UBTD1: variants seen among roughly 807,000 people sequenced by gnomAD.
The protein encoded by UBTD1 is ubiquitin domain containing 1.
UBTD1 carries 19 observed loss-of-function variants against 21.7 expected under a neutral mutation model. The observed-to-expected ratio is 0.87, with a 90% CI of 0.61 to 1.28. The LOEUF (loss-of-function observed/expected upper bound fraction) is 1.28. UBTD1 is among the 50% of genes most tolerant of loss of function. The probability of loss-of-function intolerance (pLI) is 0.00; values close to 1 mark genes in which losing one functional copy is unlikely to be tolerated. For synonymous variants in UBTD1, 116 were observed against 135.1 expected (o/e 0.86, Z 0.98); for missense variants, 282 against 315.1 (o/e 0.89, Z 0.80).
At chr10:97,538,997 A>G (rs191492598) in intron 1 of UBTD1, among the ~76,000 whole-genome samples, 1 of 152,314 alleles carries the variant, frequency 6.6e-6, no homozygotes, top group East Asian at 1.9e-4. Flanking sequence ...CGCAGATCAC[A>G]TGGTGCATTA....
At chr10:97,531,355 C>T (rs894606684) in intron 1 of UBTD1, among the ~76,000 whole-genome samples, 3 of 151,848 alleles carry the variant, frequency 2.0e-5, no homozygotes, top group Non-Finnish European at 2.9e-5. Context: ...GGATTACAGG[C>T]GTGCACCACC....
intron 2 of UBTD1, among the ~76,000 whole-genome samples, chr10:97,569,701 CTG>C (rs2040735658): frequency 2.0e-5 from 3 of 152,160 alleles, no homozygotes; most frequent in South Asian, 4.1e-4. Context: ...GGTGAGGACT[CTG>C]TTGCTGGCTT....
intron 1 of UBTD1, among the ~76,000 whole-genome samples, chr10:97,519,475 A>G (rs2040458023): frequency 6.6e-6 from 1 of 152,202 alleles, no homozygotes; most frequent in African/African-American, 2.4e-5. Flanking sequence ...CCTGTTCTAC[A>G]CATTCTGTAT....
rs184006201 is a variant in UBTD1, at chr10:97,558,289, A to T, written c.71-9625A>T. The stretch of plus-strand genomic sequence containing the variant: ...TAGGGTGTTGCAAACTTCAATGGTT[A>T]TGCGGGGATCTTCACAGAGCAAGCT... On this transcript the variant is annotated intron_variant, in intron 1 of 2. Transcript: ENST00000370664. Among the ~76,000 whole-genome samples the T allele has an allele frequency of 3.9e-5, 6 of 152,326 alleles. No individual in the cohort carries two copies. The East Asian group carries it at 1.2e-3, about 29-fold the overall frequency.
Position 97,571,152 on chromosome 10 carries a change from T to C in UBTD1, c.*629T>C, listed in dbSNP as rs776427124. ...GCCTGGTCATGGCCTCCACAGCAGG[T>C]CCCTGTGGACAGACATATCTGCATA... On this transcript the variant is annotated 3_prime_UTR_variant, in exon 3 of 3. Transcript: ENST00000370664. The C allele has an allele frequency of 6.5e-6, 1 of 153,156 alleles. No individual in the cohort carries two copies. The highest frequency in any genetic ancestry group is 1.5e-5 in the Non-Finnish European group (1 of 68,470). The allele number at this position is 153,156 out of a possible 1,614,324, so 9.5% of individuals were successfully genotyped here.
intron 1 of UBTD1, among the ~76,000 whole-genome samples, chr10:97,546,794 T>C (rs1002126577): frequency 6.6e-6 from 1 of 152,124 alleles, no homozygotes; most frequent in Non-Finnish European, 1.5e-5. Flanking sequence ...GAGCTGTGCA[T>C]TCAGCTCCTG....
At chr10:97,549,166 G>A (rs10882962) in intron 1 of UBTD1, among the ~76,000 whole-genome samples, 41,220 of 152,162 alleles carry the variant, frequency 0.27, 5,858 homozygotes, top group East Asian at 0.49. Flanking sequence ...CTCTCTCATG[G>A]CCACAGAGGA....
In UBTD1 at chr10:97,561,308, G is replaced by A. The variant is rs193021689; in HGVS notation, c.71-6606G>A. Among the ~76,000 whole-genome samples, 358 of 152,192 alleles carry A rather than the reference G, an allele frequency of 2.4e-3. 8 individuals carry two copies. Among genetic ancestry groups the A allele is most frequent in the Admixed American group, 0.022 (331 of 15,290 alleles). ...CCGTCCGTGAGTTACCTCGTTTCCT[G>A]GTCAGGGAACCAAGAAATGTAGCAG... On this transcript the variant is annotated intron_variant, in intron 1 of 2. Coordinates refer to ENST00000370664, the MANE Select transcript of UBTD1 (RefSeq NM_024954.5).
chr10:97,568,252 C>A, intron 2 of UBTD1, 111 bp downstream of exon 2: 1 of 1,124,018 alleles, frequency 8.9e-7, no homozygotes, highest in Non-Finnish European at 1.3e-6. Flanking sequence ...CTCACGTATT[C>A]ATTCATTCAA....
At position 97,513,342 on chromosome 10, in the gene UBTD1, G is replaced by A. The variant is rs936309955; in HGVS notation, c.70+14069G>A. On this transcript the variant is annotated intron_variant, in intron 1 of 2. Transcript: ENST00000370664. ...TTCAAACAAGACAGCATGTAGACAA[G>A]TGCTAAGTCATACAGTGTAGACAAG... Among the ~76,000 whole-genome samples the A allele has an allele frequency of 5.3e-5, 8 of 152,338 alleles. No homozygotes were observed. In the South Asian group the frequency reaches 1.4e-3, roughly 28 times the overall value.
chr10:97,529,609 A>C (rs1416008138), intron 1 of UBTD1, among the ~76,000 whole-genome samples: 6 of 147,192 alleles, frequency 4.1e-5, no homozygotes, highest in Admixed American at 1.4e-4. Context: ...CAAAAAAAAA[A>C]CGAAAACCAG....
intron 1 of UBTD1, among the ~76,000 whole-genome samples, chr10:97,567,706 T>C (rs561540600): frequency 6.6e-6 from 1 of 152,228 alleles, no homozygotes; most frequent in African/African-American, 2.4e-5. Context: ...TATGCTTTGC[T>C]GACACAATTA....
Position 97,570,448 on chromosome 10 carries a change from G to C in UBTD1, c.609G>C (p.Arg203=). Reference sequence around the variant, plus strand: ...GGAAGCTGCTCACAGACCGCACACGGCTCCAGGAGACCAAGATCCAGAAAG... The same window carrying C: ...GGAAGCTGCTCACAGACCGCACACGCCTCCAGGAGACCAAGATCCAGAAAG... ...FSGKLLTDRT[R]LQETKIQKDF... Residue 203 remains arginine (R), a synonymous_variant, in exon 3 of 3, where the codon CGG becomes CGC. Coordinates refer to ENST00000370664, the MANE Select transcript of UBTD1 (RefSeq NM_024954.5). The surrounding 1 kb of genome is among the most constrained non-coding windows in gnomAD (Gnocchi z 6.6). 1 of 1,613,058 alleles carries C rather than the reference G, an allele frequency of 6.2e-7. No homozygotes were observed.
intron 1 of UBTD1, among the ~76,000 whole-genome samples, chr10:97,557,375 T>C (rs1380818469): frequency 1.3e-5 from 2 of 152,084 alleles, no homozygotes; most frequent in Non-Finnish European, 2.9e-5. Flanking sequence ...ACTTTGGGTC[T>C]GAGGGGTTTG....
At position 97,548,487 on chromosome 10, in the gene UBTD1, G is replaced by A. The variant is rs148105997; in HGVS notation, c.71-19427G>A. 7.2e-5 allele frequency among the ~76,000 whole-genome samples: 11 copies of A among 152,302 alleles called. No individual in the cohort carries two copies. In the East Asian group the frequency reaches 2.1e-3, roughly 29 times the overall value. ...AGCAGCCTCAGAAAACATGTTAGTT[G>A]CATGGCAGGATAGAACCCTAGAGTC... On this transcript the variant is annotated intron_variant, in intron 1 of 2. Transcript: ENST00000370664.
At chr10:97,561,707 G>A (rs1173111210) in intron 1 of UBTD1, among the ~76,000 whole-genome samples, 1 of 151,724 alleles carries the variant, frequency 6.6e-6, no homozygotes, top group African/African-American at 2.4e-5. Flanking sequence ...CTGGCGCCGG[G>A]CTGCCTGTCT....
rs139440557 is a variant in UBTD1, at chr10:97,568,610, C to T, written c.298+469C>T. Among the ~76,000 whole-genome samples, 10 of 151,430 alleles carry T rather than the reference C, an allele frequency of 6.6e-5. No homozygotes were observed. In the East Asian group the frequency reaches 2.0e-3, roughly 30 times the overall value. On this transcript the variant is annotated intron_variant, in intron 2 of 2. Coordinates refer to ENST00000370664, the MANE Select transcript of UBTD1 (RefSeq NM_024954.5). ...CTAATTTTCGTATTTTTAGTAGAGACGGGGTTTCACCATGTTGGCCAGGCT... is the reference window on the plus strand; with the variant it reads ...CTAATTTTCGTATTTTTAGTAGAGATGGGGTTTCACCATGTTGGCCAGGCT...
intron 1 of UBTD1, among the ~76,000 whole-genome samples, chr10:97,514,198 G>A (rs1206353907): frequency 6.6e-6 from 1 of 151,980 alleles, no homozygotes; most frequent in Non-Finnish European, 1.5e-5. Flanking sequence ...GGCAGGATGG[G>A]AGCCTGGGAC....
intron 1 of UBTD1, among the ~76,000 whole-genome samples, chr10:97,553,474 T>C (rs775755168): frequency 6.6e-6 from 1 of 152,218 alleles, no homozygotes; most frequent in Non-Finnish European, 1.5e-5. Context: ...CATCATCGAC[T>C]TGTCTATATG....
Sources: allele counts gnomAD v4.1 joint callset (sites outside exome capture counted in the v4.1 genomes callset), GRCh38; gene constraint gnomAD v4.1.1; non-coding constraint Gnocchi (gnomAD v3.1); transcripts MANE v1.5; gene names NCBI Gene and HGNC (gene_info 2026-07-23, HGNC 2026-07-21).